Variants in NEB observed in about 807,000 individuals in gnomAD.
NEB encodes nebulin, also known as nemaline myopathy type 2.
NEB carries 512 observed loss-of-function variants against 952.2 expected under a neutral mutation model. The observed-to-expected ratio is 0.54, with a 90% CI of 0.50 to 0.58. NEB has a LOEUF of 0.58. Ranked by LOEUF, NEB falls within the 20% of genes least tolerant of loss-of-function variation. The pLI is 0.00. For missense variants in NEB, 8,428 were observed against 9,231.1 expected (o/e 0.91, Z 3.56); for synonymous variants, 2,900 against 3,149.8 (o/e 0.92, Z 2.66).
intron 3 of NEB, 81 bp downstream of exon 3, chr2:151,733,040 C>G: frequency 7.9e-7 from 1 of 1,271,934 alleles, no homozygotes; most frequent in Non-Finnish European, 1.1e-6. Flanking sequence ...ATGTATTTTT[C>G]GAATGATTAA....
rs199977733 is a variant in NEB, at chr2:151,650,290, C to T, written c.7317G>A (p.Ser2439=). ...SLEAEKNKRA[S]EIISEKKYRQ... Reference sequence around the variant, plus strand: ...GATATTTCTTCTCACTGATGATTTCCGAAGCCCGCTTGTTCTTTTCTGCCT... The same window carrying T: ...GATATTTCTTCTCACTGATGATTTCTGAAGCCCGCTTGTTCTTTTCTGCCT... Residue 2439 remains serine, a synonymous_variant, in exon 54 of 182, where the codon TCG becomes TCA. Transcript: ENST00000397345. 3.3e-5 allele frequency: 53 copies of T among 1,613,782 alleles called. No homozygotes were observed. The highest frequency in any genetic ancestry group is 1.6e-4 in the East Asian group (7 of 44,866).
intron 179 of NEB, among the ~76,000 whole-genome samples, 190 bp from the exon 180 acceptor site, chr2:151,490,708 G>A (rs916347156): frequency 2.0e-5 from 3 of 152,152 alleles, no homozygotes; most frequent in African/African-American, 4.8e-5. Context: ...GAGAGCTTAC[G>A]TACATGACCA....
rs112470247 is a variant in NEB, at chr2:151,722,499, T to C, written c.717+883A>G. 5.8e-3 allele frequency among the ~76,000 whole-genome samples: 885 copies of C among 152,324 alleles called. 8 individuals carry two copies. The highest frequency in any genetic ancestry group is 0.02 in the African/African-American group (832 of 41,548). On this transcript the variant is annotated intron_variant, in intron 9 of 181. Transcript: ENST00000397345. ...GCAAGAGCTCTTTGTGGGATAACTA[T>C]ACAAATGTGTTTTTGGTTTGTTTAG...
Position 151,656,154 on chromosome 2 carries a change from T to C in NEB, c.6494A>G (p.Asp2165Gly). 1 of 1,583,702 alleles carries C rather than the reference T, an allele frequency of 6.3e-7. No individual in the cohort carries two copies. The highest frequency in any genetic ancestry group is 8.6e-7 in the Non-Finnish European group (1 of 1,163,318). Reference sequence around the variant, plus strand: ...CACCCAAGTAGAAGAAAGCCTTACATCACTCTGTATGCGATTCATATTCCT... The same window carrying C: ...CACCCAAGTAGAAGAAAGCCTTACACCACTCTGTATGCGATTCATATTCCT... ...LTRNMNRIQSDNEYKQDYNEW... is the reference protein window; with the variant it reads ...LTRNMNRIQSGNEYKQDYNEW... Residue 2165 changes from aspartate (D) to glycine (G), a missense_variant and splice_region_variant, in exon 49 of 182, where the codon GAT becomes GGT. Asp to Gly is a moderately conservative substitution (Grantham distance 94). Around this residue, in one of 11 missense-constraint regions of NEB, gnomAD observed 2,851 missense variants for 2,791.5 expected, o/e 1.02. Coordinates refer to ENST00000397345, the MANE Select transcript of NEB (RefSeq NM_001164508.2).
chr2:151,669,799 G>A (rs1007387845), intron 38 of NEB, among the ~76,000 whole-genome samples: 15 of 152,190 alleles, frequency 9.9e-5, no homozygotes, highest in African/African-American at 3.4e-4. Flanking sequence ...GATTTGATTC[G>A]TGTTTTAAGA....
chr2:151,696,499 T>C, intron 17 of NEB, 138 bp downstream of exon 17: 2 of 557,844 alleles, frequency 3.6e-6, no homozygotes, highest in South Asian at 3.4e-5. Flanking sequence ...TATATTTTTA[T>C]ACAAATGTAT....
Position 151,662,169 on chromosome 2 carries a change from A to G in NEB, c.5936T>C (p.Val1979Ala), listed in dbSNP as rs749553879. 2 of 1,613,418 alleles carry G rather than the reference A, an allele frequency of 1.2e-6. No homozygotes were observed. Among genetic ancestry groups the G allele is most frequent in the Admixed American group, 3.3e-5 (2 of 59,962 alleles). ...YSTLMDSMNM[V>A]LAQNNAKIMN... ...AATTTTTGCATTATTCTGGGCCAAA[A>G]CCATGTTCATCGAGTCCATGAGTGT... The change falls in exon 46 of 182, where the codon GTT (valine) becomes GCT (alanine). Residue 1979 changes from valine (V) to alanine (A), a missense_variant. By Grantham distance (64) the Val-to-Ala change is moderately conservative. Around this residue, in one of 11 missense-constraint regions of NEB, gnomAD observed 2,851 missense variants for 2,791.5 expected, o/e 1.02. Coordinates refer to ENST00000397345, the MANE Select transcript of NEB (RefSeq NM_001164508.2).
At position 151,655,988 on chromosome 2, in the gene NEB, T is replaced by C. The variant is rs371819541; in HGVS notation, c.6531A>G (p.Lys2177=). 6.2e-7 allele frequency: 1 copy of C among 1,613,710 alleles called. No individual in the cohort carries two copies. The highest frequency in any genetic ancestry group is 8.5e-7 in the Non-Finnish European group (1 of 1,179,732). Reference sequence around the variant, plus strand: ...AACCTGCTGGACTCCAGCCAAGCCCTTTGTACCATTCATTGTAATCTTGCT... The same window carrying C: ...AACCTGCTGGACTCCAGCCAAGCCCCTTGTACCATTCATTGTAATCTTGCT... ...EYKQDYNEWY[K]GLGWSPAGSL... Residue 2177 remains lysine, a synonymous_variant, in exon 50 of 182, where the codon AAA becomes AAG. Transcript: ENST00000397345.
At position 151,489,854 on chromosome 2, in the gene NEB, C is replaced by T. The variant is rs1166103243; in HGVS notation, c.25404+117G>A. On this transcript the variant is annotated intron_variant, in intron 181 of 181. Coordinates refer to ENST00000397345, the MANE Select transcript of NEB (RefSeq NM_001164508.2). ...TAATATGAAACATGTAATAAAAGAGCATTATATAAAATAGAAGGTTTGGTT... is the reference window on the plus strand; with the variant it reads ...TAATATGAAACATGTAATAAAAGAGTATTATATAAAATAGAAGGTTTGGTT... The T allele has an allele frequency of 6.5e-6, 4 of 619,308 alleles. No homozygotes were observed. The East Asian group carries it at 1.2e-4, about 18-fold the overall frequency. The allele number at this position is 619,308 out of a possible 1,614,324, so 38.4% of individuals were successfully genotyped here. A position where few individuals can be genotyped will look rare whatever the true frequency, so the allele number is the denominator to read the frequency against.
chr2:151,733,481 A>T (rs2151162460), intron 2 of NEB, among the ~76,000 whole-genome samples: 1 of 152,284 alleles, frequency 6.6e-6, no homozygotes, highest in East Asian at 1.9e-4. Flanking sequence ...GGGAACAGAG[A>T]ATTTAAACTT....
chr2:151,556,470 C>T (rs1391474468), intron 124 of NEB, among the ~76,000 whole-genome samples: 2 of 152,124 alleles, frequency 1.3e-5, no homozygotes, highest in Non-Finnish European at 2.9e-5. Context: ...TAAAGTGTTA[C>T]AGAAAATGTT....
chr2:151,642,902 G>T (rs1210020447), intron 58 of NEB, 33 bp from the exon 59 acceptor site: 1 of 1,490,014 alleles, frequency 6.7e-7, no homozygotes, highest in South Asian at 1.2e-5. Context: ...ACTGGTATAG[G>T]CCAGTAATAA....
Position 151,498,344 on chromosome 2 carries a change from G to T in NEB, c.24123C>A (p.Tyr8041Ter). 6.5e-7 allele frequency: 1 copy of T among 1,548,776 alleles called. No individual in the cohort carries two copies. The highest frequency in any genetic ancestry group is 8.7e-7 in the Non-Finnish European group (1 of 1,145,106). Reference sequence around the variant, plus strand: ...GAATTCCTGTCCCCAGGTTTTCTTTGTATAGCACCTGTATGATGAGAAAGC... The same window carrying T: ...GAATTCCTGTCCCCAGGTTTTCTTTTTATAGCACCTGTATGATGAGAAAGC... ...HNQENFSSVL[Y>*]KENLGTGIPI... is the part of the protein sequence containing the mutation. The change falls in exon 170 of 182, where the codon TAC becomes TAA. Residue 8041 changes from tyrosine to a stop codon, truncating the protein, a stop_gained. Coordinates refer to ENST00000397345, the MANE Select transcript of NEB (RefSeq NM_001164508.2). LOFTEE classifies it high-confidence loss of function.
intron 88 of NEB, among the ~76,000 whole-genome samples, chr2:151,601,491 A>T (rs371168880): frequency 3.4e-5 from 4 of 116,766 alleles, no homozygotes; most frequent in Admixed American, 2.7e-4. Flanking sequence ...AAAACAGTAT[A>T]TTTCTAGCAC....
At position 151,579,391 on chromosome 2, in the gene NEB, GA is replaced by G; in HGVS notation, c.16650del (p.Asp5552ThrfsTer5). On this transcript the variant is annotated frameshift_variant, in exon 105 of 182. Coordinates refer to ENST00000397345, the MANE Select transcript of NEB (RefSeq NM_001164508.2). LOFTEE classifies it high-confidence loss of function. ...GCTTGGATCACATCATTCTGGTCGG[GA>G]AAGCAAGACCAGCGGTGCAGGTAAT... ...YRHYLHRWSC[F>X]PDQNDVIQAR... is the part of the protein sequence containing the mutation. 2 of 1,531,674 alleles carry G rather than the reference GA, an allele frequency of 1.3e-6. No individual in the cohort carries two copies. Among genetic ancestry groups the G allele is most frequent in the Non-Finnish European group, 1.8e-6 (2 of 1,133,962 alleles). The allele number at this position is 1,531,674 out of a possible 1,614,324, so 94.9% of individuals were successfully genotyped here.
At chr2:151,630,249 A>G (rs1041770788) in intron 67 of NEB, among the ~76,000 whole-genome samples, 1 of 152,170 alleles carries the variant, frequency 6.6e-6, no homozygotes, top group Non-Finnish European at 1.5e-5. Context: ...TCAGTAATCA[A>G]TGTTGTTGAT....
Position 151,627,210 on chromosome 2 carries a change from A to G in NEB, c.10144-5T>C, listed in dbSNP as rs1454334128. 6 of 1,611,382 alleles carry G rather than the reference A, an allele frequency of 3.7e-6. No homozygotes were observed. Among genetic ancestry groups the G allele is most frequent in the Non-Finnish European group, 4.2e-6 (5 of 1,177,938 alleles). ...GAGATCAGATTTGTAAATGTTCTGG[A>G]GAGATTAAACACAAAAGCGAGTATT... On this transcript the variant is annotated splice_polypyrimidine_tract_variant and splice_region_variant and intron_variant, in intron 69 of 181. Coordinates refer to ENST00000397345, the MANE Select transcript of NEB (RefSeq NM_001164508.2).
At position 151,679,980 on chromosome 2, in the gene NEB, T is replaced by C. The variant is rs775660812; in HGVS notation, c.3085A>G (p.Asn1029Asp). ...AACTGGGGCAGGTCTGGTGGCAGGT[T>C]GTATTTGTGAATAATTTCCTCTCCT... ...AKGEEIIHKY[N>D]LPPDLPQFIQ... Residue 1029 changes from asparagine (N) to aspartate (D), a missense_variant, in exon 31 of 182, where the codon AAC (asparagine) becomes GAC (aspartate). Transcript: ENST00000397345. The C allele has an allele frequency of 2.5e-6, 4 of 1,613,514 alleles. No individual in the cohort carries two copies. The South Asian group carries it at 3.3e-5, about 13-fold the overall frequency.
At chr2:151,512,363 T>C (rs1485419789) in intron 161 of NEB, among the ~76,000 whole-genome samples, 1 of 151,276 alleles carries the variant, frequency 6.6e-6, no homozygotes, top group East Asian at 1.9e-4. Context: ...AGTCTCACCC[T>C]GTCACCCAGG....
Sources: gnomAD v4.1 joint callset for allele counts (sites outside exome capture counted in the v4.1 genomes callset) on GRCh38, gnomAD v4.1.1 for gene constraint, gnomAD v4.1.1 regional missense constraint, MANE v1.5 for transcripts, NCBI Gene and HGNC (gene_info 2026-07-23, HGNC 2026-07-21) for gene names.